CNBD1: variants seen among roughly 807,000 people sequenced by gnomAD.
CNBD1 encodes the protein cyclic nucleotide binding domain containing 1, also known as cyclic nucleotide-binding domain-containing protein 1.
CNBD1 carries 71 observed loss-of-function variants against 54.4 expected under a neutral mutation model. That is an observed-to-expected ratio of 1.30 (90% CI 1.08 to 1.59). CNBD1 has a LOEUF of 1.59. Among genes scored for constraint, CNBD1 ranks in the 40% most tolerant of loss-of-function variants. CNBD1 has a pLI of 0.00. For synonymous variants in CNBD1, 182 were observed against 170.7 expected (o/e 1.07, Z -0.51); for missense variants, 659 against 518.0 (o/e 1.27, Z -2.64).
intron 4 of CNBD1, among the ~76,000 whole-genome samples, chr8:87,062,134 C>T (rs1053781083): frequency 3.2e-4 from 49 of 152,334 alleles, no homozygotes; most frequent in African/African-American, 1.2e-3. Flanking sequence ...TAGCCAACTA[C>T]TGAGGTCTGC....
intron 6 of CNBD1, among the ~76,000 whole-genome samples, chr8:87,251,512 C>T (rs948897633): frequency 3.3e-5 from 5 of 150,484 alleles, no homozygotes; most frequent in African/African-American, 4.9e-5. Context: ...CACTTGAACC[C>T]GGGAGGCAGA....
rs189486183 is a variant in CNBD1, at chr8:87,052,460, C to A, written c.431+112706C>A. Among the ~76,000 whole-genome samples the A allele has an allele frequency of 6.6e-5, 10 of 152,264 alleles. No individual in the cohort carries two copies. The East Asian group carries it at 1.7e-3, about 26-fold the overall frequency. On this transcript the variant is annotated intron_variant, in intron 4 of 10. Coordinates refer to ENST00000518476, the MANE Select transcript of CNBD1 (RefSeq NM_173538.3). The stretch of plus-strand genomic sequence containing the variant: ...AGCTTAGAGTAGTTAAGCGATTTGG[C>A]CCTGATCCTTTATAAGCATTCCAGT...
intron 1 of CNBD1, among the ~76,000 whole-genome samples, chr8:86,878,371 T>A (rs1367389484): frequency 6.6e-6 from 1 of 152,196 alleles, no homozygotes; most frequent in East Asian, 1.9e-4. Flanking sequence ...AATTTTCTTG[T>A]ATGTTAATGT....
At chr8:87,358,607 G>T (rs1185606246) in intron 10 of CNBD1, among the ~76,000 whole-genome samples, 2 of 152,088 alleles carry the variant, frequency 1.3e-5, no homozygotes. Context: ...ATATACAAGA[G>T]GCGATCTATT....
intron 4 of CNBD1, among the ~76,000 whole-genome samples, chr8:87,132,657 ATATC>A (rs1812142407): frequency 6.8e-6 from 1 of 147,736 alleles, no homozygotes; most frequent in Non-Finnish European, 1.5e-5. Flanking sequence ...TGTAAGATAT[ATATC>A]TAATATATAT....
chr8:86,876,183 TTGTGTGTG>T (rs60866236), intron 1 of CNBD1, among the ~76,000 whole-genome samples: 69,842 of 150,320 alleles, frequency 0.46, 16,339 homozygotes, highest in East Asian at 0.56. Flanking sequence ...GTGTGTGTGT[TTGTGTGTG>T]TGTGTGTGTG....
chr8:86,989,298 CAAAT>C (rs143428723), intron 4 of CNBD1, among the ~76,000 whole-genome samples: 2 of 65,908 alleles, frequency 3.0e-5, no homozygotes, highest in African/African-American at 1.1e-4. Flanking sequence ...CATCTCAAAA[CAAAT>C]AAATACATAC....
At chr8:87,426,852 G>T (rs536989969) in intron 2 of CNBD1, among the ~76,000 whole-genome samples, 8 of 152,222 alleles carry the variant, frequency 5.3e-5, no homozygotes, top group Admixed American at 4.6e-4. Flanking sequence ...TTCCTTAATT[G>T]ATTTAATTTG....
At chr8:87,319,009 G>A (rs1404212604) in intron 8 of CNBD1, among the ~76,000 whole-genome samples, 2 of 152,040 alleles carry the variant, frequency 1.3e-5, no homozygotes, top group Non-Finnish European at 2.9e-5. Context: ...GCAACAAAAA[G>A]AAGAGTAAAT....
At chr8:86,929,160 C>T (rs1172279791) in intron 3 of CNBD1, among the ~76,000 whole-genome samples, 1 of 152,162 alleles carries the variant, frequency 6.6e-6, no homozygotes, top group East Asian at 1.9e-4. Context: ...ATGGCTTTGG[C>T]AGTGTAAGAC....
intron 4 of CNBD1, among the ~76,000 whole-genome samples, chr8:86,959,244 G>A (rs1164545301): frequency 1.3e-5 from 2 of 152,116 alleles, no homozygotes; most frequent in Non-Finnish European, 2.9e-5. Context: ...GCTTCCCTTT[G>A]TGGGTAACCC....
chr8:87,231,020 C>T (rs977344380), intron 5 of CNBD1, among the ~76,000 whole-genome samples: 11 of 151,952 alleles, frequency 7.2e-5, no homozygotes, highest in African/African-American at 2.4e-4. Context: ...TGGCAGACGG[C>T]GAAATGGGAG....
At chr8:87,393,085 AT>A (rs1811341230) in intron 2 of CNBD1, among the ~76,000 whole-genome samples, 2 of 151,956 alleles carry the variant, frequency 1.3e-5, no homozygotes, top group Admixed American at 1.3e-4. Context: ...TGAGGATGTC[AT>A]TTACTGGAAT....
chr8:87,230,497 A>ATG (rs150246834), intron 5 of CNBD1, among the ~76,000 whole-genome samples: 9 of 151,984 alleles, frequency 5.9e-5, no homozygotes, highest in East Asian at 3.9e-4. Flanking sequence ...GTATGTTTGT[A>ATG]TGTGTGTGTG....
intron 2 of CNBD1, among the ~76,000 whole-genome samples, chr8:86,894,037 T>TTTTTTTTTTTA (rs1808812397): frequency 3.7e-5 from 1 of 26,798 alleles, no homozygotes; most frequent in African/African-American, 2.7e-4. Flanking sequence ...ATAGATTAAT[T>TTTTTTTTTTTA]TTTTTTTTTT....
At chr8:86,947,458 G>A (rs1297309027) in intron 4 of CNBD1, among the ~76,000 whole-genome samples, 1 of 152,056 alleles carries the variant, frequency 6.6e-6, no homozygotes. Context: ...ATGGTTAAAT[G>A]TTCTTTCTTC....
At chr8:87,333,941 T>G (rs1809888457) in intron 8 of CNBD1, among the ~76,000 whole-genome samples, 1 of 152,208 alleles carries the variant, frequency 6.6e-6, no homozygotes, top group African/African-American at 2.4e-5. Flanking sequence ...CCTGAAAGAA[T>G]GGTACCAGCT....
chr8:87,354,351 G>A (rs1810375793), intron 10 of CNBD1, among the ~76,000 whole-genome samples: 1 of 152,034 alleles, frequency 6.6e-6, no homozygotes, highest in African/African-American at 2.4e-5. Flanking sequence ...GTGGATCCCA[G>A]GCAGGGACCT....
chr8:86,944,876 A>C (rs1807430041), intron 4 of CNBD1, among the ~76,000 whole-genome samples: 1 of 152,198 alleles, frequency 6.6e-6, no homozygotes, highest in South Asian at 2.1e-4. Flanking sequence ...ACAGTGGCCC[A>C]TATTCTGTGT....
Sources: allele counts gnomAD v4.1 joint callset (sites outside exome capture counted in the v4.1 genomes callset), GRCh38; gene constraint gnomAD v4.1.1; transcripts MANE v1.5; gene names NCBI Gene and HGNC (gene_info 2026-07-23, HGNC 2026-07-21).